DDX3X: variants seen among roughly 807,000 people sequenced by gnomAD.
DDX3X encodes ATP-dependent RNA helicase DDX3X.
DDX3X carries 4 observed loss-of-function variants against 52.7 expected under a neutral mutation model. That is an observed-to-expected ratio of 0.08 (90% confidence interval 0.04 to 0.17). The LOEUF is 0.17. Ranked by LOEUF, DDX3X falls within the 10% of genes least tolerant of loss-of-function variation. The pLI, the probability that DDX3X is intolerant of heterozygous loss-of-function variation, is 1.00. For synonymous variants in DDX3X, 192 were observed against 178.1 expected, an observed-to-expected ratio of 1.08 and a Z score of -0.62; for missense variants, 222 against 548.6, an observed-to-expected ratio of 0.40 and a Z score of 5.95.
chrX:41,363,096 A>G (rs2064035657), intron 5 of DDX3X, among the ~76,000 whole-genome samples: 1 of 112,236 alleles, frequency 8.9e-6, no homozygotes, highest in Non-Finnish European at 1.9e-5. Flanking sequence ...GAAGAACCAT[A>G]CTTGCTGTAT....
chrX:41,343,036 CAA>C (rs1239298673), intron 6 of DDX3X, 178 bp from the exon 7 acceptor site: 1 of 605,729 alleles, frequency 1.7e-6, no homozygotes, highest in Non-Finnish European at 2.5e-6. Flanking sequence ...AGGAACAACC[CAA>C]AGTCTTCTCC....
chrX:41,337,642 CTTTT>C (rs5902274), intron 2 of DDX3X, 177 bp downstream of exon 2: 967 of 285,903 alleles, frequency 3.4e-3, no homozygotes, highest in East Asian at 6.0e-3. Context: ...GCATCGTTGC[CTTTT>C]TTTTTTTTTT....
chrX:41,336,452 C>T (rs1447570562), intron 1 of DDX3X: 1 of 111,996 alleles, frequency 8.9e-6, no homozygotes, highest in African/African-American at 3.3e-5. Flanking sequence ...TCAAAGTCAT[C>T]TTTGAACTTA....
At chrX:41,350,935 T>G (rs1447699420), downstream of DDX3X, 1 of 111,923 alleles carries the variant, frequency 8.9e-6, no homozygotes, top group Admixed American at 9.5e-5. Flanking sequence ...TGCAGTATGA[T>G]TAAGAATTTT....
Position 41,342,482 on chromosome X carries a change from T to C in DDX3X, c.285-13T>C. ...AAATGATATGATTCTGATTAATTGC[T>C]TGTGCTGTTCAGGTTTGATGATCGT... On this transcript the variant is annotated splice_polypyrimidine_tract_variant and intron_variant, in intron 4 of 16. Transcript: ENST00000644876. 8.3e-7 allele frequency: 1 copy of C among 1,209,940 alleles called. No homozygotes were observed. The highest frequency in any genetic ancestry group is 1.1e-6 in the Non-Finnish European group (1 of 893,899).
At position 41,349,868 on chromosome X, in the gene DDX3X, ATGTT is replaced by A. The variant is rs2147365299; in HGVS notation, c.*2154_*2157del. ...TGATGTGAAGTGTCCAGATTCTCAGATGTTTGTTGTGTGGATTTTGTTTAGTTGT... is the reference window on the plus strand; with the variant it reads ...TGATGTGAAGTGTCCAGATTCTCAGATGTTGTGTGGATTTTGTTTAGTTGT... On this transcript the variant is annotated 3_prime_UTR_variant, in exon 17 of 17. Coordinates refer to ENST00000644876, the MANE Select transcript of DDX3X (RefSeq NM_001356.5). 9.4e-6 allele frequency: 1 copy of A among 106,420 alleles called. No individual in the cohort carries two copies. Among genetic ancestry groups the A allele is most frequent in the East Asian group, 3.0e-4 (1 of 3,299 alleles). 8.8% of individuals were successfully genotyped at this position (106,420 alleles called of 1,213,427 possible). A position where few individuals can be genotyped will look rare whatever the true frequency, so the allele number is the denominator to read the frequency against.
chrX:41,356,709 C>T (rs190389598), intron 5 of DDX3X, among the ~76,000 whole-genome samples: 66 of 109,172 alleles, frequency 6.0e-4, no homozygotes, highest in Non-Finnish European at 1.0e-3. Flanking sequence ...GTGATCTGCC[C>T]GCCTCGGCCT....
At chrX:41,353,770 CA>C (rs948478529), downstream of DDX3X, among the ~76,000 whole-genome samples, 59 of 97,648 alleles carry the variant, frequency 6.0e-4, no homozygotes, top group East Asian at 6.0e-3. Context: ...GGTTCCATCT[CA>C]AAAAAAAAAA....
intron 12 of DDX3X, 106 bp from the exon 13 acceptor site, chrX:41,346,123 A>G: frequency 1.5e-6 from 1 of 687,129 alleles, no homozygotes; most frequent in East Asian, 3.4e-5. Context: ...CCCGTTTTTA[A>G]GAAGATATAT....
In DDX3X at chrX:41,343,771, C is replaced by T. The variant is rs774264628; in HGVS notation, c.714C>T (p.Ile238=). ...SGKTAAFLLP[I]LSQIYSDGPG... is the part of the protein sequence containing the mutation. ...AAACTGCAGCATTTCTGTTGCCCAT[C>T]TTGAGTCAGATTTATTCAGATGGTC... Residue 238 remains isoleucine, a synonymous_variant, in exon 8 of 17, where the codon ATC becomes ATT. Transcript: ENST00000644876. 6 of 1,209,271 alleles carry T rather than the reference C, an allele frequency of 5.0e-6. No individual in the cohort carries two copies. Among genetic ancestry groups the T allele is most frequent in the African/African-American group, 1.7e-5 (1 of 57,173 alleles).
At chrX:41,351,347 A>G (rs2063984550), downstream of DDX3X, 1 of 112,272 alleles carries the variant, frequency 8.9e-6, no homozygotes, top group African/African-American at 3.2e-5. Flanking sequence ...ACTTAAATGC[A>G]GTTGTCACTC....
chrX:41,340,722 A>C, intron 3 of DDX3X: 2 of 295,320 alleles, frequency 6.8e-6, no homozygotes. Flanking sequence ...ACTTTATACT[A>C]TTGAAACTGA....
chrX:41,344,658 G>A (rs1302136443), intron 10 of DDX3X: 7 of 359,378 alleles, frequency 1.9e-5, no homozygotes, highest in Admixed American at 8.8e-5. Context: ...GGCTGGTCTC[G>A]AACTCCTGAC....
intron 8 of DDX3X, 35 bp from the exon 9 acceptor site, chrX:41,343,994 AG>A: frequency 9.1e-7 from 1 of 1,099,054 alleles, no homozygotes; most frequent in Non-Finnish European, 1.2e-6. Flanking sequence ...CAAACAGGGT[AG>A]GTAGAGTTAA....
intron 2 of DDX3X, chrX:41,338,489 A>G (rs759605397): frequency 7.2e-5 from 8 of 111,683 alleles, no homozygotes; most frequent in African/African-American, 2.6e-4. Flanking sequence ...TCTAGGCTGT[A>G]CTCCTGCTCG....
chrX:41,351,320 G>C (rs1004715824), downstream of DDX3X: 3 of 112,032 alleles, frequency 2.7e-5, no homozygotes, highest in African/African-American at 9.7e-5. Flanking sequence ...ACATTAATGT[G>C]GTTTAATTTT....
At position 41,344,477 on chromosome X, in the gene DDX3X, G is replaced by T. The variant is rs192432611; in HGVS notation, c.1025+78G>T. ...TTTTTGGCAGAGTTGCGCTCTTGTTGCCCAGGCTGGAGTGCCATGGCGCGA... is the reference window on the plus strand; with the variant it reads ...TTTTTGGCAGAGTTGCGCTCTTGTTTCCCAGGCTGGAGTGCCATGGCGCGA... On this transcript the variant is annotated intron_variant, in intron 10 of 16. Transcript: ENST00000644876. 4.4e-6 allele frequency: 5 copies of T among 1,123,924 alleles called. No individual in the cohort carries two copies. In the African/African-American group the frequency reaches 5.4e-5, roughly 12 times the overall value. The allele number at this position is 1,123,924 out of a possible 1,213,427, so 92.6% of individuals were successfully genotyped here. A position where few individuals can be genotyped will look rare whatever the true frequency, so the allele number is the denominator to read the frequency against.
At chrX:41,354,344 C>CTTTTTTTTTTTT (rs60965317), downstream of DDX3X, among the ~76,000 whole-genome samples, 2,114 of 69,687 alleles carry the variant, frequency 0.03, 191 homozygotes, top group South Asian at 0.039. Flanking sequence ...TGTGCTACCT[C>CTTTTTTTTTTTT]TTTTTTTTTT....
intron 5 of DDX3X, among the ~76,000 whole-genome samples, chrX:41,361,071 C>T (rs1432533708): frequency 9.2e-6 from 1 of 108,670 alleles, no homozygotes; most frequent in Admixed American, 1.0e-4. Flanking sequence ...CCCTCTTGAT[C>T]TTATGTCCCT....
Sources: allele counts gnomAD v4.1 joint callset (sites outside exome capture counted in the v4.1 genomes callset), GRCh38; gene constraint gnomAD v4.1.1; transcripts MANE v1.5; gene names NCBI Gene and HGNC (gene_info 2026-07-23, HGNC 2026-07-21).